Variants in SH3RF3 observed in about 807,000 individuals in gnomAD.
SH3RF3 encodes SH3 domain containing ring finger 3.
A neutral mutation model predicts 66.3 loss-of-function variants in SH3RF3; 29 were observed. That is an observed-to-expected ratio of 0.44 (90% confidence interval 0.33 to 0.60). SH3RF3 has a LOEUF of 0.60. Ranked by LOEUF, SH3RF3 falls within the 20% of genes least tolerant of loss-of-function variation. The pLI, the probability that SH3RF3 is intolerant of heterozygous loss-of-function variation, is 0.04. For missense variants in SH3RF3, 1,194 were observed against 1,190.9 expected (o/e 1.00, Z -0.04); for synonymous variants, 583 against 532.0 (o/e 1.10, Z -1.32).
intron 3 of SH3RF3, among the ~76,000 whole-genome samples, chr2:109,378,409 C>T (rs1020340869): frequency 3.3e-5 from 5 of 152,216 alleles, no homozygotes; most frequent in Admixed American, 3.3e-4. Context: ...GCACCCCCAC[C>T]TGAGACGGGG....
chr2:109,331,377 T>C (rs1682281662), intron 1 of SH3RF3, among the ~76,000 whole-genome samples: 1 of 152,040 alleles, frequency 6.6e-6, no homozygotes, highest in Non-Finnish European at 1.5e-5. Context: ...CTTCTCTCTC[T>C]CCCCTTGTTT....
At chr2:109,234,808 C>G (rs1381514590) in intron 1 of SH3RF3, among the ~76,000 whole-genome samples, 3 of 152,158 alleles carry the variant, frequency 2.0e-5, no homozygotes, top group Non-Finnish European at 4.4e-5. Context: ...TGGGGAAATT[C>G]AACCATGATA....
At chr2:109,224,352 A>G (rs941204104) in intron 1 of SH3RF3, among the ~76,000 whole-genome samples, 3 of 152,226 alleles carry the variant, frequency 2.0e-5, no homozygotes, top group Non-Finnish European at 4.4e-5. Context: ...TCAGATACGC[A>G]TGTGGGATTT....
chr2:109,386,208 A>G (rs1483702537), intron 3 of SH3RF3, among the ~76,000 whole-genome samples: 3 of 152,220 alleles, frequency 2.0e-5, no homozygotes, highest in Non-Finnish European at 2.9e-5. Flanking sequence ...GGAAGGAGGA[A>G]GTGACCCAGG....
chr2:109,426,871 G>C (rs1458785636), intron 5 of SH3RF3, among the ~76,000 whole-genome samples: 1 of 152,060 alleles, frequency 6.6e-6, no homozygotes, highest in Non-Finnish European at 1.5e-5. Flanking sequence ...TGAGTAGTCA[G>C]CAACTATTCA....
chr2:109,482,746 A>AG (rs1417079200), intron 8 of SH3RF3, among the ~76,000 whole-genome samples: 3 of 152,200 alleles, frequency 2.0e-5, no homozygotes, highest in African/African-American at 7.2e-5. Flanking sequence ...CTCCTGCAGG[A>AG]GGAAGGGCAG....
At position 109,188,545 on chromosome 2, in the gene SH3RF3, C is replaced by T. The variant is rs548169194; in HGVS notation, c.573+58432C>T. Among the ~76,000 whole-genome samples the T allele has an allele frequency of 2.4e-4, 36 of 152,324 alleles. 2 individuals are homozygous for T. The South Asian group carries it at 6.0e-3, about 25-fold the overall frequency. ...GACCACGTTCAGAGAAGCGGCATCC[C>T]CCGTCATTGTGACTGCATCCCTATG... On this transcript the variant is annotated intron_variant, in intron 1 of 9. Transcript: ENST00000309415.
chr2:109,416,577 G>A (rs888746079), intron 4 of SH3RF3, among the ~76,000 whole-genome samples: 1 of 151,028 alleles, frequency 6.6e-6, no homozygotes, highest in South Asian at 2.1e-4. Flanking sequence ...TAGAGACGGG[G>A]TTTCACCATA....
intron 1 of SH3RF3, among the ~76,000 whole-genome samples, chr2:109,238,867 T>A (rs1469557577): frequency 6.6e-6 from 1 of 152,086 alleles, no homozygotes; most frequent in African/African-American, 2.4e-5. Flanking sequence ...CTTCTCTCTG[T>A]CCCAAGGGAG....
At chr2:109,490,197 A>G (rs1573294252) in intron 8 of SH3RF3, among the ~76,000 whole-genome samples, 1 of 152,350 alleles carries the variant, frequency 6.6e-6, no homozygotes, top group African/African-American at 2.4e-5. Context: ...CAAGATGTCC[A>G]TGTAGGCACC....
rs371299286 is a variant in SH3RF3 at position 109,311,337 on chromosome 2, G to A, written c.574-36337G>A. ...TCAATAAATTAGGTATTGATGGGAC[G>A]TATTTCAAAATAATAAGAGCTATCT... On this transcript the variant is annotated intron_variant, in intron 1 of 9. Coordinates refer to ENST00000309415, the MANE Select transcript of SH3RF3 (RefSeq NM_001099289.3). 9.5e-5 allele frequency among the ~76,000 whole-genome samples: 10 copies of A among 105,076 alleles called. No homozygotes were observed. The East Asian group carries it at 2.4e-3, about 26-fold the overall frequency. 68.9% of individuals were successfully genotyped at this position (105,076 alleles called of 152,430 possible).
intron 7 of SH3RF3, among the ~76,000 whole-genome samples, chr2:109,447,186 GA>G (rs1677734436): frequency 7.8e-6 from 1 of 128,122 alleles, no homozygotes; most frequent in Admixed American, 7.6e-5. Context: ...AAAAGAAAAA[GA>G]AAACAGAAAA....
In SH3RF3 at chr2:109,449,343, C is replaced by G; in HGVS notation, c.2002C>G (p.Leu668Val). 1.2e-6 allele frequency: 2 copies of G among 1,606,830 alleles called. No homozygotes were observed. Among genetic ancestry groups the G allele is most frequent in the Non-Finnish European group, 1.7e-6 (2 of 1,175,888 alleles). Residue 668 changes from leucine (L) to valine (V), a missense_variant, in exon 8 of 10, where the codon CTC (leucine) becomes GTC (valine). Transcript: ENST00000309415. ...VQMCPRPAIP[L>V]TSAASAITPP... ...GATGTGCCCACGGCCGGCCATCCCC[C>G]TCACATCAGCAGCATCAGCCATCAC...
chr2:109,429,657 C>T (rs926884418), intron 5 of SH3RF3, among the ~76,000 whole-genome samples: 5 of 152,156 alleles, frequency 3.3e-5, no homozygotes, highest in Non-Finnish European at 5.9e-5. Context: ...TGCCCCAGGC[C>T]GCGCTGACAG....
intron 1 of SH3RF3, among the ~76,000 whole-genome samples, chr2:109,323,985 C>T (rs886985654): frequency 6.6e-6 from 1 of 152,284 alleles, no homozygotes; most frequent in Non-Finnish European, 1.5e-5. Flanking sequence ...TTCCCCCAGC[C>T]CCTGGAAAAC....
intron 8 of SH3RF3, among the ~76,000 whole-genome samples, chr2:109,487,023 G>T (rs1161750902): frequency 6.6e-6 from 1 of 152,160 alleles, no homozygotes; most frequent in East Asian, 1.9e-4. Context: ...AGAGAGGAGT[G>T]CAGGCCACAG....
intron 1 of SH3RF3, among the ~76,000 whole-genome samples, chr2:109,169,597 C>G (rs561018400): frequency 1.1e-3 from 166 of 152,136 alleles, no homozygotes; most frequent in Non-Finnish European, 2.0e-3. Flanking sequence ...ACAAACTGAC[C>G]GAGCTTAGCA....
intron 7 of SH3RF3, among the ~76,000 whole-genome samples, chr2:109,444,936 A>C (rs1384128986): frequency 6.6e-6 from 1 of 152,220 alleles, no homozygotes; most frequent in Non-Finnish European, 1.5e-5. Flanking sequence ...TACACACACA[A>C]AAAAGAAAAA....
intron 1 of SH3RF3, among the ~76,000 whole-genome samples, chr2:109,279,316 A>G (rs1230216773): frequency 6.6e-6 from 1 of 152,212 alleles, no homozygotes; most frequent in East Asian, 1.9e-4. Context: ...TGCAGTGGCC[A>G]GTGGAGGGCT....
Sources: allele counts gnomAD v4.1 joint callset (sites outside exome capture counted in the v4.1 genomes callset), GRCh38; gene constraint gnomAD v4.1.1; transcripts MANE v1.5; gene names NCBI Gene and HGNC (gene_info 2026-07-23, HGNC 2026-07-21).